PCDHGA1: variants seen among roughly 807,000 people sequenced by gnomAD.
The protein encoded by PCDHGA1 is protocadherin gamma subfamily A, 1.
PCDHGA1 carries 32 observed loss-of-function variants against 58.0 expected under a neutral mutation model. The ratio of observed to expected loss-of-function variants is 0.55; its 90% confidence interval spans 0.42 to 0.74. The LOEUF (loss-of-function observed/expected upper bound fraction) is 0.74. Among genes scored for constraint, PCDHGA1 ranks in the 30% least tolerant of loss-of-function variants. The probability of loss-of-function intolerance (pLI) is 0.00; values close to 1 mark genes in which losing one functional copy is unlikely to be tolerated. For missense variants in PCDHGA1, 1,205 were observed against 1,182.3 expected, an observed-to-expected ratio of 1.02 and a Z score of -0.28; for synonymous variants, 498 against 501.1, an observed-to-expected ratio of 0.99 and a Z score of 0.08.
rs747671382 is a variant in PCDHGA1 at position 141,444,152 on chromosome 5, A to ATTTTTTT, written c.2422-50625_2422-50619dup. On this transcript the variant is annotated intron_variant, in intron 1 of 3. Coordinates refer to ENST00000517417, the MANE Select transcript of PCDHGA1 (RefSeq NM_018912.3). ...GATATGTGTCACTTGTGTGTACTGG[A>ATTTTTTT]TTTTTTTTTTTTTTTTTTTTTTTTT... Among the ~76,000 whole-genome samples, 8 of 33,896 alleles carry ATTTTTTT rather than the reference A, an allele frequency of 2.4e-4. 2 individuals are homozygous for ATTTTTTT. The highest frequency in any genetic ancestry group is 2.1e-3 in the South Asian group (2 of 962). 22.2% of individuals were successfully genotyped at this position (33,896 alleles called of 152,430 possible).
At chr5:141,356,483 GAACTCCTC>G in intron 1 of PCDHGA1, 1 of 1,613,938 alleles carries the variant, frequency 6.2e-7, no homozygotes, top group Non-Finnish European at 8.5e-7. Flanking sequence ...ACTGACCAGG[GAACTCCTC>G]CACTGTCTAC....
chr5:141,336,183 G>A (rs1450462388), intron 1 of PCDHGA1, among the ~76,000 whole-genome samples: 2 of 152,104 alleles, frequency 1.3e-5, no homozygotes, highest in Non-Finnish European at 2.9e-5. Flanking sequence ...AATAAAACCA[G>A]TGGGGAGAAA....
chr5:141,366,316 T>G, intron 1 of PCDHGA1: 1 of 1,613,764 alleles, frequency 6.2e-7, no homozygotes, highest in Non-Finnish European at 8.5e-7. Flanking sequence ...CGGTCACCGT[T>G]GCCGTGGCCG....
intron 1 of PCDHGA1, chr5:141,340,344 C>T (rs185685102): frequency 5.0e-6 from 8 of 1,614,198 alleles, no homozygotes; most frequent in African/African-American, 2.7e-5. Flanking sequence ...ACATCCTACT[C>T]CACCTACATT....
rs138608867 is a variant in PCDHGA1 at position 141,477,655 on chromosome 5, T to C, written c.2422-17152T>C. 5.0e-3 allele frequency: 8,034 copies of C among 1,614,186 alleles called. 44 individuals carry two copies. The highest frequency in any genetic ancestry group is 9.4e-3 in the Admixed American group (567 of 60,020). On this transcript the variant is annotated intron_variant, in intron 1 of 3. Coordinates refer to ENST00000517417, the MANE Select transcript of PCDHGA1 (RefSeq NM_018912.3). The surrounding 1 kb of genome is among the most constrained non-coding windows in gnomAD (Gnocchi z 4.9). ...TAGTGGGTCGCTATTTCACAATAAA[T>C]CGTGACAATGGCATAGTGTCATCCT...
At chr5:141,419,273 G>A (rs751868316) in intron 1 of PCDHGA1, 2 of 1,614,034 alleles carry the variant, frequency 1.2e-6, no homozygotes, top group South Asian at 1.1e-5. Flanking sequence ...TGCCTCCATA[G>A]CGCAAGTCAG....
At position 141,431,123 on chromosome 5, in the gene PCDHGA1, GAAGT is replaced by G. The variant is rs751548736; in HGVS notation, c.2422-63680_2422-63677del. The G allele has an allele frequency of 1.2e-6, 2 of 1,614,100 alleles. No individual in the cohort carries two copies. The highest frequency in any genetic ancestry group is 3.3e-5 in the Admixed American group (2 of 60,014). On this transcript the variant is annotated intron_variant, in intron 1 of 3. Transcript: ENST00000517417. This position sits in a 1 kb window ranked among gnomAD's most constrained non-coding sequence, Gnocchi z 4.8. ...AGTGAAAATATATGGAGTAGAAGTA[GAAGT>G]AAGGGACATTAACGACAATGCGCCT... is the stretch of plus-strand genomic sequence containing the variant.
chr5:141,392,810 A>G (rs772526220), intron 1 of PCDHGA1: 41 of 1,580,272 alleles, frequency 2.6e-5, no homozygotes, highest in Middle Eastern at 1.7e-4. Context: ...GCAGCAAAAC[A>G]ACAATGGCCG....
rs549647263 is a variant in PCDHGA1 at position 141,364,755 on chromosome 5, T to C, written c.2421+31650T>C. Reference sequence around the variant, plus strand: ...CGGGATGAAGAGTTAAAAGTAAAAGTTAATGAAAATGCGGCTGCAGGGACA... The same window carrying C: ...CGGGATGAAGAGTTAAAAGTAAAAGCTAATGAAAATGCGGCTGCAGGGACA... On this transcript the variant is annotated intron_variant, in intron 1 of 3. Coordinates refer to ENST00000517417, the MANE Select transcript of PCDHGA1 (RefSeq NM_018912.3). The C allele has an allele frequency of 1.7e-5, 27 of 1,613,958 alleles. No homozygotes were observed. The East Asian group carries it at 6.0e-4, about 36-fold the overall frequency.
Position 141,357,641 on chromosome 5 carries a change from G to A in PCDHGA1, c.2421+24536G>A, listed in dbSNP as rs773379210. On this transcript the variant is annotated intron_variant, in intron 1 of 3. Coordinates refer to ENST00000517417, the MANE Select transcript of PCDHGA1 (RefSeq NM_018912.3). Reference sequence around the variant, plus strand: ...CTTCAGGTGAGTCAATCTTATAATAGATCATACCACACTGAAATATAGACA... The same window carrying A: ...CTTCAGGTGAGTCAATCTTATAATAAATCATACCACACTGAAATATAGACA... 6 of 1,611,778 alleles carry A rather than the reference G, an allele frequency of 3.7e-6. No individual in the cohort carries two copies. In the Admixed American group the frequency reaches 1.0e-4, roughly 27 times the overall value.
intron 1 of PCDHGA1, chr5:141,400,218 G>C (rs2093982352): frequency 6.2e-7 from 1 of 1,613,932 alleles, no homozygotes; most frequent in Admixed American, 1.7e-5. Context: ...TGATCTCAGT[G>C]CTCTTCCTCC....
At chr5:141,376,318 G>C (rs373956139) in intron 1 of PCDHGA1, 6 of 1,614,200 alleles carry the variant, frequency 3.7e-6, no homozygotes, top group East Asian at 4.5e-5. Context: ...GCGTGGAAGG[G>C]GTTCGGGCTT....
intron 1 of PCDHGA1, among the ~76,000 whole-genome samples, chr5:141,450,782 C>T (rs1012152203): frequency 2.0e-5 from 3 of 151,350 alleles, no homozygotes; most frequent in East Asian, 1.9e-4. Flanking sequence ...CCACCGTGCC[C>T]GGACCTCATG....
rs765751691 is a variant in PCDHGA1 at position 141,431,363 on chromosome 5, C to G, written c.2422-63444C>G. The G allele has an allele frequency of 6.2e-7, 1 of 1,614,024 alleles. No individual in the cohort carries two copies. The highest frequency in any genetic ancestry group is 2.2e-5 in the East Asian group (1 of 44,882). ...ATTGGTGCTGAAACGCGCCCTGGAC[C>G]GCGAAGAAAAGGCTGCTCACCACCT... is the stretch of plus-strand genomic sequence containing the variant. On this transcript the variant is annotated intron_variant, in intron 1 of 3. Transcript: ENST00000517417. This position sits in a 1 kb window ranked among gnomAD's most constrained non-coding sequence, Gnocchi z 4.8.
chr5:141,497,111 G>A (rs899232924), intron 2 of PCDHGA1, among the ~76,000 whole-genome samples: 16 of 152,010 alleles, frequency 1.1e-4, no homozygotes, highest in Non-Finnish European at 1.2e-4. Context: ...GCTTGAACCC[G>A]GAAGGCAGAG....
At position 141,476,161 on chromosome 5, in the gene PCDHGA1, G is replaced by A. The variant is rs748660112; in HGVS notation, c.2422-18646G>A. 21 of 1,613,012 alleles carry A rather than the reference G, an allele frequency of 1.3e-5. No homozygotes were observed. Among genetic ancestry groups the A allele is most frequent in the Non-Finnish European group, 1.8e-5 (21 of 1,179,922 alleles). On this transcript the variant is annotated intron_variant, in intron 1 of 3. Transcript: ENST00000517417. The surrounding 1 kb of genome is among the most constrained non-coding windows in gnomAD (Gnocchi z 7.6). ...GGAGCGGACTGGTAAGCACCGGGAG[G>A]GTAGTGGGAGTTTTGCTTCTGCTTG... is the stretch of plus-strand genomic sequence containing the variant.
At chr5:141,376,522 G>C in intron 1 of PCDHGA1, 1 of 1,613,784 alleles carries the variant, frequency 6.2e-7, no homozygotes, top group Non-Finnish European at 8.5e-7. Context: ...GTTTCTTTCC[G>C]CCTAAGCGGG....
chr5:141,340,119 C>A, intron 1 of PCDHGA1: 1 of 1,614,128 alleles, frequency 6.2e-7, no homozygotes. Context: ...GCATTCACCA[C>A]CTGTTCACTC....
Position 141,431,485 on chromosome 5 carries a change from T to G in PCDHGA1, c.2422-63322T>G. 2 of 1,613,924 alleles carry G rather than the reference T, an allele frequency of 1.2e-6. No individual in the cohort carries two copies. Among genetic ancestry groups the G allele is most frequent in the Non-Finnish European group, 1.7e-6 (2 of 1,179,990 alleles). ...ATGCGAACGACAACGCACCAGCGTTTGCTCAGCCCGAGTACCGCGCGAGCG... is the reference window on the plus strand; with the variant it reads ...ATGCGAACGACAACGCACCAGCGTTGGCTCAGCCCGAGTACCGCGCGAGCG... On this transcript the variant is annotated intron_variant, in intron 1 of 3. Coordinates refer to ENST00000517417, the MANE Select transcript of PCDHGA1 (RefSeq NM_018912.3). This position sits in a 1 kb window ranked among gnomAD's most constrained non-coding sequence, Gnocchi z 4.8.
Sources: gnomAD v4.1 joint callset for allele counts (sites outside exome capture counted in the v4.1 genomes callset) on GRCh38, gnomAD v4.1.1 for gene constraint, Gnocchi (gnomAD v3.1) non-coding constraint, MANE v1.5 for transcripts, NCBI Gene and HGNC (gene_info 2026-07-23, HGNC 2026-07-21) for gene names.